Variants in ZNF667 observed in about 807,000 individuals in gnomAD.
ZNF667 encodes myocardial ischemic preconditioning upregulated 1 ortholog.
A neutral mutation model predicts 31.8 loss-of-function variants in ZNF667; 13 were observed. The observed-to-expected ratio is 0.41, with a 90% CI of 0.27 to 0.65. The LOEUF is 0.65. Among genes scored for constraint, ZNF667 ranks in the 30% least tolerant of loss-of-function variants. The pLI is 0.32. For synonymous variants in ZNF667, 228 were observed against 247.1 expected (o/e 0.92, Z 0.73); for missense variants, 642 against 725.6 (o/e 0.88, Z 1.32).
At chr19:56,448,238 G>A (rs2042745511) in intron 6 of ZNF667, among the ~76,000 whole-genome samples, 1 of 152,112 alleles carries the variant, frequency 6.6e-6, no homozygotes, top group South Asian at 2.1e-4. Flanking sequence ...TGTCACAGCA[G>A]AAAGCAACGT....
At chr19:56,471,401 G>A (rs1375672054) in intron 3 of ZNF667, among the ~76,000 whole-genome samples, 1 of 152,192 alleles carries the variant, frequency 6.6e-6, no homozygotes, top group African/African-American at 2.4e-5. Flanking sequence ...TTGAACTGAT[G>A]TCACCTGGCA....
chr19:56,460,276 GA>G (rs749194321), intron 5 of ZNF667, among the ~76,000 whole-genome samples: 3 of 152,182 alleles, frequency 2.0e-5, no homozygotes, highest in Non-Finnish European at 4.4e-5. Flanking sequence ...ACAACATGAT[GA>G]ACCTCAAAAA....
At chr19:56,444,207 T>C (rs1055980174) in intron 6 of ZNF667, 1 of 398,554 alleles carries the variant, frequency 2.5e-6, no homozygotes, top group Middle Eastern at 6.3e-4. Context: ...AGAGGTTCAA[T>C]TGGCTCCTGG....
At chr19:56,454,735 G>A (rs115867407) in intron 6 of ZNF667, among the ~76,000 whole-genome samples, 2,094 of 151,118 alleles carry the variant, frequency 0.014, 59 homozygotes, top group African/African-American at 0.047. Flanking sequence ...AACAAAACAC[G>A]GGCAAAAGTC....
In ZNF667 at chr19:56,442,199, A is replaced by G. The variant is rs777644942; in HGVS notation, c.796T>C (p.Ser266Pro). Residue 266 changes from serine to proline, a missense_variant, in exon 7 of 7, where the codon TCA (serine) becomes CCA (proline). Ser to Pro is a moderately conservative substitution (Grantham distance 74). Coordinates refer to ENST00000504904, the MANE Select transcript of ZNF667 (RefSeq NM_001321356.2). ...RKCGKAFNQM[S>P]SLLLHKKIHN... is the part of the protein sequence containing the mutation. Reference sequence around the variant, plus strand: ...ATTTTCTTATGAAGTAAAAGGGATGACATCTGATTGAAGGCTTTTCCGCAC... The same window carrying G: ...ATTTTCTTATGAAGTAAAAGGGATGGCATCTGATTGAAGGCTTTTCCGCAC... 1.2e-6 allele frequency: 2 copies of G among 1,614,112 alleles called. No individual in the cohort carries two copies. The highest frequency in any genetic ancestry group is 1.7e-5 in the Admixed American group (1 of 60,010).
chr19:56,461,269 T>C (rs2043039441), intron 4 of ZNF667, among the ~76,000 whole-genome samples: 1 of 152,182 alleles, frequency 6.6e-6, no homozygotes, highest in Non-Finnish European at 1.5e-5. Context: ...TGATTTAATC[T>C]CCTAACCACT....
chr19:56,456,754 T>C (rs1400710247), intron 6 of ZNF667, among the ~76,000 whole-genome samples: 1 of 152,120 alleles, frequency 6.6e-6, no homozygotes, highest in African/African-American at 2.4e-5. Flanking sequence ...TATATAAACC[T>C]TATAATAACG....
intron 6 of ZNF667, among the ~76,000 whole-genome samples, chr19:56,455,082 A>C (rs2042905038): frequency 6.6e-6 from 1 of 152,228 alleles, no homozygotes; most frequent in South Asian, 2.1e-4. Flanking sequence ...GAAAGTGCTC[A>C]ACATCACTGA....
chr19:56,472,156 T>C lies in ZNF667; in HGVS notation c.-517A>G, dbSNP rs1026660651. On this transcript the variant is annotated 5_prime_UTR_variant, in exon 3 of 7. It removes an upstream start codon present in the reference 5' UTR. Transcript: ENST00000504904. ...CGAAAACAGACTCATACATTGTCCA[T>C]AAAATAATTTTCTTCAAGGAACTCG... 1.3e-5 allele frequency: 2 copies of C among 152,204 alleles called. No homozygotes were observed. Among genetic ancestry groups the C allele is most frequent in the African/African-American group, 2.4e-5 (1 of 41,446 alleles). 9.4% of individuals were successfully genotyped at this position (152,204 alleles called of 1,614,324 possible). A position where few individuals can be genotyped will look rare whatever the true frequency, so the allele number is the denominator to read the frequency against.
chr19:56,441,242 A>T lies in ZNF667; in HGVS notation c.1753T>A (p.Cys585Ser), dbSNP rs1401363543. 1 of 1,614,092 alleles carries T rather than the reference A, an allele frequency of 6.2e-7. No individual in the cohort carries two copies. Among genetic ancestry groups the T allele is most frequent in the Non-Finnish European group, 8.5e-7 (1 of 1,179,984 alleles). Reference sequence around the variant, plus strand: ...CTATATGCCTTCCCACATTTACTACATTCATAGGGTTTCTCTGAAGAATGA... The same window carrying T: ...CTATATGCCTTCCCACATTTACTACTTTCATAGGGTTTCTCTGAAGAATGA... Reference protein sequence around the residue: ...RSHSSEKPYECSKCGKAYSRS... With the variant: ...RSHSSEKPYESSKCGKAYSRS... Residue 585 changes from cysteine (C) to serine (S), a missense_variant, in exon 7 of 7, where the codon TGT becomes AGT. Physicochemically the swap from Cys to Ser is moderately radical, Grantham distance 112 (BLOSUM62 -1). Coordinates refer to ENST00000504904, the MANE Select transcript of ZNF667 (RefSeq NM_001321356.2). This position sits in a 1 kb window ranked among gnomAD's most constrained non-coding sequence, Gnocchi z 4.2.
At chr19:56,477,150 C>G (rs1278433326) in intron 1 of ZNF667, 122 bp downstream of exon 1, 1 of 152,278 alleles carries the variant, frequency 6.6e-6, no homozygotes, top group East Asian at 1.9e-4. Context: ...CAAGCACCCG[C>G]GCAGACGCCC....
At position 56,451,548 on chromosome 19, in the gene ZNF667, A is replaced by G. The variant is rs142233209; in HGVS notation, c.253+6607T>C. ...ATCATTCTCAGGTATAGACCATGAA[A>G]TATTAGGACACAAGACAAGTCTTAA... On this transcript the variant is annotated intron_variant, in intron 6 of 6. Transcript: ENST00000504904. Among the ~76,000 whole-genome samples, 130 of 152,306 alleles carry G rather than the reference A, an allele frequency of 8.5e-4. 1 individual carries two copies. The highest frequency in any genetic ancestry group is 1.2e-3 in the Non-Finnish European group (82 of 68,020).
intron 2 of ZNF667, chr19:56,472,767 G>C (rs1202056204): frequency 6.6e-6 from 1 of 152,200 alleles, no homozygotes; most frequent in Admixed American, 6.5e-5. Context: ...TTAGGTGTCA[G>C]TAAGGTGACC....
chr19:56,471,233 T>C (rs1028379985), intron 3 of ZNF667, among the ~76,000 whole-genome samples: 8 of 152,084 alleles, frequency 5.3e-5, no homozygotes, highest in Non-Finnish European at 1.0e-4. Flanking sequence ...TGAGTAAAAG[T>C]TTCCTGATGC....
chr19:56,465,826 G>A (rs2043147482), intron 3 of ZNF667, among the ~76,000 whole-genome samples: 1 of 151,850 alleles, frequency 6.6e-6, no homozygotes, highest in Admixed American at 6.6e-5. Flanking sequence ...CCAGGCTGGC[G>A]TCTAAGGACC....
chr19:56,465,097 G>A (rs1600447276), intron 3 of ZNF667, among the ~76,000 whole-genome samples: 1 of 152,228 alleles, frequency 6.6e-6, no homozygotes, highest in African/African-American at 2.4e-5. Flanking sequence ...TAGAATGACA[G>A]TTCATCCCTA....
Position 56,442,961 on chromosome 19 carries a change from GATTTT to G in ZNF667, c.254-225_254-221del, listed in dbSNP as rs1158101084. Among the ~76,000 whole-genome samples, 46 of 152,226 alleles carry G rather than the reference GATTTT, an allele frequency of 3.0e-4. 1 individual carries two copies. Among genetic ancestry groups the G allele is most frequent in the African/African-American group, 1.0e-3 (42 of 41,534 alleles). On this transcript the variant is annotated intron_variant, in intron 6 of 6. Transcript: ENST00000504904. ...AAGAGTGTAATTTGAAAATGAATAAGATTTTATTTATACGATAACTTTTATGCCAT... is the reference window on the plus strand; with the variant it reads ...AAGAGTGTAATTTGAAAATGAATAAGATTTATACGATAACTTTTATGCCAT...
At chr19:56,464,762 G>C (rs1356955758) in intron 3 of ZNF667, among the ~76,000 whole-genome samples, 1 of 152,152 alleles carries the variant, frequency 6.6e-6, no homozygotes, top group African/African-American at 2.4e-5. Context: ...GGAAAGCAGA[G>C]ACTTTGTTTT....
chr19:56,459,187 C>T (rs2042993659), intron 5 of ZNF667, among the ~76,000 whole-genome samples: 1 of 152,144 alleles, frequency 6.6e-6, no homozygotes, highest in Non-Finnish European at 1.5e-5. Flanking sequence ...CATGGAAAGG[C>T]AGGAATCTAA....
Sources: gnomAD v4.1 joint callset for allele counts (sites outside exome capture counted in the v4.1 genomes callset) on GRCh38, gnomAD v4.1.1 for gene constraint, Gnocchi (gnomAD v3.1) non-coding constraint, MANE v1.5 for transcripts, NCBI Gene and HGNC (gene_info 2026-07-23, HGNC 2026-07-21) for gene names.